CNTN6: variants seen among roughly 807,000 people sequenced by gnomAD.
CNTN6 encodes the protein contactin 6.
In CNTN6, 137 loss-of-function variants were observed where a neutral mutation model predicts 122.8. The observed-to-expected ratio is 1.12, with a 90% CI of 0.97 to 1.29. The LOEUF (loss-of-function observed/expected upper bound fraction) is 1.29. Ranked by LOEUF, CNTN6 falls within the 50% of genes most tolerant of loss-of-function variation. The pLI is 0.00. For synonymous variants in CNTN6, 570 were observed against 426.0 expected (o/e 1.34, Z -4.16); for missense variants, 1,634 against 1,223.4 (o/e 1.34, Z -5.01).
At chr3:1,198,636 T>A (rs912979177) in intron 2 of CNTN6, among the ~76,000 whole-genome samples, 4 of 151,730 alleles carry the variant, frequency 2.6e-5, no homozygotes, top group African/African-American at 9.7e-5. Context: ...GCAGGAGAAT[T>A]GCTTGAGCCC....
intron 4 of CNTN6, among the ~76,000 whole-genome samples, chr3:1,274,098 A>G (rs115728430): frequency 0.012 from 1,794 of 152,276 alleles, 33 homozygotes; most frequent in African/African-American, 0.038. Flanking sequence ...AGTAAGAAAA[A>G]AACCTTAAAA....
At position 1,135,387 on chromosome 3, in the gene CNTN6, A is replaced by ATT; in HGVS notation, c.-82-12539_-82-12538dup. ...GATGGAAGAGAAGGCAAAAGGTCCA[A>ATT]TTGTCCAGGGGCTGGGTGGGGACCG... On this transcript the variant is annotated intron_variant, in intron 1 of 22. Coordinates refer to ENST00000446702, the MANE Select transcript of CNTN6 (RefSeq NM_001289080.2). Among the ~76,000 whole-genome samples, 2 of 152,050 alleles carry ATT rather than the reference A, an allele frequency of 1.3e-5. 1 individual carries two copies. Among genetic ancestry groups the ATT allele is most frequent in the South Asian group, 4.1e-4 (2 of 4,832 alleles).
At chr3:1,227,752 G>GT in intron 3 of CNTN6, 66 bp from the exon 4 acceptor site, 1 of 1,521,326 alleles carries the variant, frequency 6.6e-7, no homozygotes, top group Non-Finnish European at 9.0e-7. Flanking sequence ...AGAACTACAT[G>GT]TTTTTTAAGA....
At position 1,196,692 on chromosome 3, in the gene CNTN6, A is replaced by G. The variant is rs370790616; in HGVS notation, c.56-23995A>G. Among the ~76,000 whole-genome samples, 103 of 152,354 alleles carry G rather than the reference A, an allele frequency of 6.8e-4. No individual in the cohort carries two copies. The South Asian group carries it at 0.02, about 30-fold the overall frequency. ...AAACAAAATAAATGCTTCATACTCA[A>G]TAAAGTGTCTGGTGATGGGTTTATA... On this transcript the variant is annotated intron_variant, in intron 2 of 22. Transcript: ENST00000446702.
intron 1 of CNTN6, among the ~76,000 whole-genome samples, chr3:1,141,307 T>G (rs2092602741): frequency 6.6e-6 from 1 of 152,150 alleles, no homozygotes; most frequent in Non-Finnish European, 1.5e-5. Context: ...ACATGGCAAC[T>G]GAAAATGGAT....
intron 4 of CNTN6, among the ~76,000 whole-genome samples, chr3:1,276,381 A>G (rs556919904): frequency 3.9e-5 from 6 of 152,306 alleles, no homozygotes; most frequent in Admixed American, 2.6e-4. Flanking sequence ...ATTTTCAATG[A>G]CATGACTTTC....
chr3:1,338,190 T>C (rs1222733645), intron 11 of CNTN6, among the ~76,000 whole-genome samples: 1 of 152,104 alleles, frequency 6.6e-6, no homozygotes, highest in Non-Finnish European at 1.5e-5. Context: ...TTTCACAAAA[T>C]AAATAGCATC....
chr3:1,106,611 T>C (rs578022285), intron 1 of CNTN6, among the ~76,000 whole-genome samples: 3 of 152,064 alleles, frequency 2.0e-5, no homozygotes, highest in Admixed American at 6.6e-5. Flanking sequence ...GAAACAAACA[T>C]ATTTTACTTA....
intron 1 of CNTN6, among the ~76,000 whole-genome samples, chr3:1,102,930 A>G (rs368111658): frequency 1.3e-4 from 20 of 150,208 alleles, no homozygotes; most frequent in South Asian, 1.1e-3. Context: ...ACACGGTGAA[A>G]CCCCGTCTCT....
In CNTN6 at chr3:1,145,644, ATGCTACCAT is replaced by A. The variant is rs1218991101; in HGVS notation, c.-82-2280_-82-2272del. Among the ~76,000 whole-genome samples the A allele has an allele frequency of 6.6e-5, 10 of 152,316 alleles. No homozygotes were observed. The East Asian group carries it at 1.9e-3, about 29-fold the overall frequency. On this transcript the variant is annotated intron_variant, in intron 1 of 22. Transcript: ENST00000446702. ...CCAGTGAAAACAAAGATTTATGGCCATGCTACCATTGTATAGGTTTTTAGGGAGATACAG... is the reference window on the plus strand; with the variant it reads ...CCAGTGAAAACAAAGATTTATGGCCATGTATAGGTTTTTAGGGAGATACAG...
chr3:1,245,232 ATATACACACAC>A (rs1199796848), intron 4 of CNTN6, among the ~76,000 whole-genome samples: 9 of 13,174 alleles, frequency 6.8e-4, no homozygotes, highest in South Asian at 5.6e-3. Context: ...ATATATATAT[ATATACACACAC>A]ACATATATAT....
At chr3:1,390,402 T>C (rs1560016573) in intron 20 of CNTN6, among the ~76,000 whole-genome samples, 1 of 151,222 alleles carries the variant, frequency 6.6e-6, no homozygotes, top group Non-Finnish European at 1.5e-5. Flanking sequence ...CTGGGATGCA[T>C]TCAAAGCAGT....
At chr3:1,385,903 T>C (rs1452979776) in intron 20 of CNTN6, 106 bp downstream of exon 20, 2 of 1,105,844 alleles carry the variant, frequency 1.8e-6, no homozygotes, top group Non-Finnish European at 2.5e-6. Context: ...TACTAATTGG[T>C]TACTTTGGTT....
At chr3:1,288,127 A>T (rs1007374918) in intron 5 of CNTN6, among the ~76,000 whole-genome samples, 1 of 152,168 alleles carries the variant, frequency 6.6e-6, no homozygotes, top group Non-Finnish European at 1.5e-5. Context: ...GGTTTGGCCA[A>T]TGTACAACCA....
At chr3:1,388,301 C>A (rs565824966) in intron 20 of CNTN6, among the ~76,000 whole-genome samples, 3,013 of 147,146 alleles carry the variant, frequency 0.02, 76 homozygotes, top group East Asian at 0.029. Context: ...AGCAGGGGCA[C>A]ACTGACACCT....
rs753581579 is a variant in CNTN6, at chr3:1,372,318, C to T, written c.1512C>T (p.Val504=). ...LIVKERTVIT[V]PPSKMDVTVG... is the part of the protein sequence containing the mutation. ...CAACAGAGAGAACTGTCATTACCGT[C>T]CCACCTTCCAAAATGGATGTTACAG... The change falls in exon 13 of 23, where the codon GTC becomes GTT. Residue 504 remains valine (V), a synonymous_variant. Coordinates refer to ENST00000446702, the MANE Select transcript of CNTN6 (RefSeq NM_001289080.2). The T allele has an allele frequency of 3.5e-5, 56 of 1,609,220 alleles. No homozygotes were observed. In the African/African-American group the frequency reaches 4.4e-4, roughly 13 times the overall value.
chr3:1,295,556 G>C (rs1297992828), intron 5 of CNTN6, 45 bp from the exon 6 acceptor site: 1 of 1,510,120 alleles, frequency 6.6e-7, no homozygotes, highest in South Asian at 1.1e-5. Flanking sequence ...ATGCAGTAAG[G>C]ACAGTATGGT....
In CNTN6 at chr3:1,367,990, G is replaced by A. The variant is rs548535160; in HGVS notation, c.1493-4309G>A. Among the ~76,000 whole-genome samples the A allele has an allele frequency of 2.0e-5, 3 of 152,312 alleles. No individual in the cohort carries two copies. The South Asian group carries it at 6.2e-4, about 32-fold the overall frequency. ...GAGCACCAGAACAGAAATTGTTAGT[G>A]CTCAGGCAATAAACTTTGTCAATAA... On this transcript the variant is annotated intron_variant, in intron 12 of 22. Transcript: ENST00000446702.
At chr3:1,388,960 G>A (rs1428107581) in intron 20 of CNTN6, among the ~76,000 whole-genome samples, 9 of 143,136 alleles carry the variant, frequency 6.3e-5, no homozygotes, top group Non-Finnish European at 1.1e-4. Context: ...AAGTGATGGG[G>A]AGAATGGAAC....
Sources: gnomAD v4.1 joint callset for allele counts (sites outside exome capture counted in the v4.1 genomes callset) on GRCh38, gnomAD v4.1.1 for gene constraint, MANE v1.5 for transcripts, NCBI Gene and HGNC (gene_info 2026-07-23, HGNC 2026-07-21) for gene names.